Variants in PDE10A observed in about 807,000 individuals in gnomAD.
PDE10A encodes the protein phosphodiesterase 10A.
Under a neutral mutation model 97.7 loss-of-function variants are expected in PDE10A, and 39 were observed. That is an observed-to-expected ratio of 0.40 (90% CI 0.31 to 0.52). PDE10A has a LOEUF of 0.52. Among genes scored for constraint, PDE10A ranks in the 20% least tolerant of loss-of-function variants. The probability of loss-of-function intolerance (pLI) is 0.56; values close to 1 mark genes in which losing one functional copy is unlikely to be tolerated. For synonymous variants in PDE10A, 371 were observed against 376.8 expected (o/e 0.98, Z 0.18); for missense variants, 731 against 1,047.8 (o/e 0.70, Z 4.17).
chr6:165,679,798 G>A (rs995758196), intron 1 of PDE10A, among the ~76,000 whole-genome samples: 2 of 152,210 alleles, frequency 1.3e-5, no homozygotes, highest in African/African-American at 4.8e-5. Context: ...GTGGGGAGAA[G>A]AGTGTGAAAA....
At chr6:165,583,701 A>G (rs752888169) in intron 1 of PDE10A, among the ~76,000 whole-genome samples, 60 of 152,150 alleles carry the variant, frequency 3.9e-4, no homozygotes, top group Non-Finnish European at 8.1e-4. Context: ...GGTAGGTGGG[A>G]TATCTTGCAG....
At position 165,418,303 on chromosome 6, in the gene PDE10A, T is replaced by C. The variant is rs77592732; in HGVS notation, c.1796+332A>G. 0.02 allele frequency among the ~76,000 whole-genome samples: 3,107 copies of C among 152,286 alleles called. 114 individuals carry two copies. The highest frequency in any genetic ancestry group is 0.069 in the African/African-American group (2,887 of 41,548). Reference sequence around the variant, plus strand: ...GAATTGCATAAGCACACCTTTTCTCTTGGACATGGGAAAACCTGCAGATTC... The same window carrying C: ...GAATTGCATAAGCACACCTTTTCTCCTGGACATGGGAAAACCTGCAGATTC... On this transcript the variant is annotated intron_variant, in intron 11 of 21. Coordinates refer to ENST00000539869, the MANE Select transcript of PDE10A (RefSeq NM_001385079.1). The surrounding 1 kb of genome is among the most constrained non-coding windows in gnomAD (Gnocchi z 4.8).
At chr6:165,815,104 A>T (rs1256940955) in intron 1 of PDE10A, among the ~76,000 whole-genome samples, 1 of 152,212 alleles carries the variant, frequency 6.6e-6, no homozygotes, top group Non-Finnish European at 1.5e-5. Context: ...TTACTTGCAG[A>T]AATAGATGAG....
intron 18 of PDE10A, among the ~76,000 whole-genome samples, chr6:165,371,979 C>T (rs1784287831): frequency 6.6e-6 from 1 of 150,828 alleles, no homozygotes; most frequent in South Asian, 2.1e-4. Flanking sequence ...ACAAAAACCA[C>T]ATGATTATCT....
At chr6:165,400,505 AAACC>A (rs1386569708) in intron 13 of PDE10A, among the ~76,000 whole-genome samples, 1 of 152,228 alleles carries the variant, frequency 6.6e-6, no homozygotes, top group Non-Finnish European at 1.5e-5. Context: ...ATAAGAAAAC[AAACC>A]ACCACAAACA....
At chr6:165,641,652 C>A (rs1789140823) in intron 1 of PDE10A, among the ~76,000 whole-genome samples, 1 of 152,192 alleles carries the variant, frequency 6.6e-6, no homozygotes, top group South Asian at 2.1e-4. Context: ...GGCAGGCCCT[C>A]CACTGAGACC....
At chr6:165,844,287 G>A (rs1780345437) in intron 1 of PDE10A, among the ~76,000 whole-genome samples, 1 of 152,182 alleles carries the variant, frequency 6.6e-6, no homozygotes, top group Non-Finnish European at 1.5e-5. Context: ...TTGAAAAGAG[G>A]AGAAGCAGAA....
intron 13 of PDE10A, among the ~76,000 whole-genome samples, chr6:165,406,628 G>A (rs1292640257): frequency 6.6e-6 from 1 of 152,008 alleles, no homozygotes; most frequent in East Asian, 1.9e-4. Flanking sequence ...AATTCTAAGT[G>A]TCAACTTGAC....
chr6:165,825,102 C>T (rs1181266632), intron 1 of PDE10A, among the ~76,000 whole-genome samples: 17 of 145,666 alleles, frequency 1.2e-4, no homozygotes, highest in African/African-American at 3.6e-4. Flanking sequence ...GAGCTGAGAT[C>T]GCACCACTGC....
intron 1 of PDE10A, among the ~76,000 whole-genome samples, chr6:165,828,001 A>C (rs1779808173): frequency 1.3e-5 from 2 of 152,222 alleles, no homozygotes; most frequent in African/African-American, 2.4e-5. Flanking sequence ...CTGGCCCCAC[A>C]GAATCTGTTC....
At chr6:165,980,725 G>T (rs1393824799) in intron 1 of PDE10A, among the ~76,000 whole-genome samples, 2 of 152,112 alleles carry the variant, frequency 1.3e-5, no homozygotes, top group East Asian at 3.9e-4. Flanking sequence ...ATCTTCTCAT[G>T]ACCATTGACT....
rs568308447 is a variant in PDE10A at position 165,430,316 on chromosome 6, T to C, written c.1572A>G (p.Glu524=). ...ATACGTCGAGTAGGAAGTCATTCAA[T>C]TCTGTCTGTTTGGCAAGGCCTCTGC... The part of the protein sequence containing the change: ...QVCRGLAKQT[E]LNDFLLDVSK... Residue 524 remains glutamate, a synonymous_variant, in exon 9 of 22, where the codon GAA becomes GAG. Coordinates refer to ENST00000539869, the MANE Select transcript of PDE10A (RefSeq NM_001385079.1). The C allele has an allele frequency of 6.2e-7, 1 of 1,609,288 alleles. No homozygotes were observed. The highest frequency in any genetic ancestry group is 1.1e-5 in the South Asian group (1 of 90,822).
rs1342258110 is a variant in PDE10A at position 165,373,185 on chromosome 6, TA to T, written c.2783+6008del. 3.2e-4 allele frequency among the ~76,000 whole-genome samples: 48 copies of T among 151,162 alleles called. No individual in the cohort carries two copies. The East Asian group carries it at 5.2e-3, about 17-fold the overall frequency. On this transcript the variant is annotated intron_variant, in intron 18 of 21. Transcript: ENST00000539869. ...TAGGCATGGGCAAGGACTTCATGTCTAAAACACCAAAAGCAATGGCAACAAA... is the reference window on the plus strand; with the variant it reads ...TAGGCATGGGCAAGGACTTCATGTCTAAACACCAAAAGCAATGGCAACAAA...
chr6:165,451,664 T>C (rs529195627), intron 3 of PDE10A, among the ~76,000 whole-genome samples: 2 of 152,334 alleles, frequency 1.3e-5, no homozygotes, highest in South Asian at 2.1e-4. Context: ...TTGAGCACTA[T>C]ACTCAATAAA....
chr6:165,446,933 C>G (rs1417534006), intron 5 of PDE10A, among the ~76,000 whole-genome samples: 6 of 151,974 alleles, frequency 3.9e-5, no homozygotes, highest in Non-Finnish European at 7.4e-5. Flanking sequence ...GGATATTGTA[C>G]CAGTCCTTTA....
In PDE10A at chr6:165,495,187, G is replaced by A. The variant is rs11753694; in HGVS notation, c.995-12844C>T. On this transcript the variant is annotated intron_variant, in intron 2 of 21. Transcript: ENST00000539869. ...GACTGAAGAAAATGACTTAAATTTC[G>A]TGGTTTTGAGAGAATCACAAACAAG... 5.3e-3 allele frequency among the ~76,000 whole-genome samples: 811 copies of A among 152,156 alleles called. 5 individuals are homozygous for A. The highest frequency in any genetic ancestry group is 7.6e-3 in the Non-Finnish European group (514 of 68,008).
intron 1 of PDE10A, among the ~76,000 whole-genome samples, chr6:165,702,123 G>C: frequency 6.6e-6 from 1 of 152,324 alleles, no homozygotes; most frequent in East Asian, 1.9e-4. Context: ...ACCTCCGAAG[G>C]GTGGTGCCAC....
At chr6:165,842,009 G>T (rs1400266730) in intron 1 of PDE10A, among the ~76,000 whole-genome samples, 2 of 152,094 alleles carry the variant, frequency 1.3e-5, no homozygotes, top group South Asian at 2.1e-4. Flanking sequence ...AACTCTGATA[G>T]AATACAAAAA....
intron 3 of PDE10A, among the ~76,000 whole-genome samples, chr6:165,479,809 A>G (rs6926985): frequency 0.085 from 12,933 of 152,254 alleles, 696 homozygotes; most frequent in East Asian, 0.25. Flanking sequence ...AAGACAGGGA[A>G]ACAAAGAGAG....
Sources: gnomAD v4.1 joint callset for allele counts (sites outside exome capture counted in the v4.1 genomes callset) on GRCh38, gnomAD v4.1.1 for gene constraint, Gnocchi (gnomAD v3.1) non-coding constraint, MANE v1.5 for transcripts, NCBI Gene and HGNC (gene_info 2026-07-23, HGNC 2026-07-21) for gene names.